Variants in IL1RAPL1 observed in about 807,000 individuals in gnomAD.
IL1RAPL1 encodes the protein interleukin 1 receptor accessory protein like 1, also known as interleukin-1 receptor accessory protein-like 1.
Under a neutral mutation model 48.4 loss-of-function variants are expected in IL1RAPL1, and 3 were observed. That is an observed-to-expected ratio of 0.06 (90% confidence interval 0.03 to 0.16). IL1RAPL1 has a LOEUF of 0.16. Ranked by LOEUF, IL1RAPL1 falls within the 10% of genes least tolerant of loss-of-function variation. The pLI is 1.00. For missense variants in IL1RAPL1, 349 were observed against 530.6 expected (o/e 0.66, Z 3.36); for synonymous variants, 185 against 187.7 (o/e 0.99, Z 0.12).
At chrX:29,140,867 A>C (rs758753670) in intron 2 of IL1RAPL1, among the ~76,000 whole-genome samples, 1 of 111,134 alleles carries the variant, frequency 9.0e-6, no homozygotes, top group South Asian at 3.8e-4. Flanking sequence ...TGACCTAATT[A>C]CCTGCTAAAC....
intron 2 of IL1RAPL1, among the ~76,000 whole-genome samples, chrX:28,951,833 T>C (rs1385609618): frequency 1.8e-5 from 2 of 111,872 alleles, no homozygotes; most frequent in Admixed American, 1.9e-4. Flanking sequence ...AATACTTTTT[T>C]AATCATGAGA....
chrX:29,404,501 C>A (rs1934030556), intron 5 of IL1RAPL1, among the ~76,000 whole-genome samples: 1 of 110,974 alleles, frequency 9.0e-6, no homozygotes, highest in African/African-American at 3.3e-5. Context: ...CTCAGTCCAC[C>A]TTCAAAAAAC....
intron 1 of IL1RAPL1, among the ~76,000 whole-genome samples, chrX:28,695,984 T>G (rs1935226033): frequency 8.9e-6 from 1 of 112,159 alleles, no homozygotes; most frequent in Non-Finnish European, 1.9e-5. Flanking sequence ...TAATATTCAA[T>G]CAGATGCTTG....
chrX:29,290,203 A>G lies in IL1RAPL1; in HGVS notation c.362+6986A>G, dbSNP rs192764369. 2.2e-4 allele frequency among the ~76,000 whole-genome samples: 25 copies of G among 112,077 alleles called. No homozygotes were observed. The East Asian group carries it at 7.1e-3, about 32-fold the overall frequency. On this transcript the variant is annotated intron_variant, in intron 3 of 10. Coordinates refer to ENST00000378993, the MANE Select transcript of IL1RAPL1 (RefSeq NM_014271.4). ...GCAGATACTATGAAAATAGTTTAGAATTCAGTGGAATTCTGCCGAGATAGA... is the reference window on the plus strand; with the variant it reads ...GCAGATACTATGAAAATAGTTTAGAGTTCAGTGGAATTCTGCCGAGATAGA...
intron 2 of IL1RAPL1, among the ~76,000 whole-genome samples, chrX:28,810,645 A>T (rs1936783832): frequency 1.0e-4 from 11 of 110,531 alleles, no homozygotes; most frequent in Admixed American, 9.7e-4. Flanking sequence ...ATGCATATGA[A>T]TTTTTTTTGT....
chrX:29,392,486 C>T (rs1933866126), intron 3 of IL1RAPL1, among the ~76,000 whole-genome samples: 2 of 112,498 alleles, frequency 1.8e-5, no homozygotes, highest in Admixed American at 9.4e-5. Context: ...AGGACTATAG[C>T]ATTCGTTGGA....
chrX:28,834,964 G>A (rs1921168345), intron 2 of IL1RAPL1, among the ~76,000 whole-genome samples: 1 of 111,367 alleles, frequency 9.0e-6, no homozygotes, highest in Admixed American at 9.6e-5. Flanking sequence ...GATAATCTAT[G>A]TAAAGATTAG....
intron 2 of IL1RAPL1, among the ~76,000 whole-genome samples, chrX:28,989,028 C>T (rs5985937): frequency 0.038 from 4,291 of 112,237 alleles, 199 homozygotes; most frequent in African/African-American, 0.13. Flanking sequence ...CAGTGAAACA[C>T]TATCTCTTCT....
At chrX:29,924,645 G>T (rs1464927756) in intron 8 of IL1RAPL1, among the ~76,000 whole-genome samples, 2 of 86,467 alleles carry the variant, frequency 2.3e-5, no homozygotes, top group African/African-American at 7.6e-5. Context: ...ATGTTCATTA[G>T]CAATCTTACT....
chrX:29,724,497 G>T (rs1383204875), intron 6 of IL1RAPL1, among the ~76,000 whole-genome samples: 1 of 112,211 alleles, frequency 8.9e-6, no homozygotes, highest in Non-Finnish European at 1.9e-5. Context: ...CCTGAGAGTA[G>T]AACTGAACCT....
chrX:28,877,325 A>G lies in IL1RAPL1; in HGVS notation c.82+87900A>G, dbSNP rs189961281. ...ACTTTAAGAATAAGGCCATCTATTT[A>G]GCAGTACAGAATCCATGCTTACAAT... On this transcript the variant is annotated intron_variant, in intron 2 of 10. Coordinates refer to ENST00000378993, the MANE Select transcript of IL1RAPL1 (RefSeq NM_014271.4). Among the ~76,000 whole-genome samples, 353 of 112,777 alleles carry G rather than the reference A, an allele frequency of 3.1e-3. 1 individual carries two copies. The highest frequency in any genetic ancestry group is 0.011 in the African/African-American group (328 of 31,105).
At chrX:28,897,381 T>C (rs1922951698) in intron 2 of IL1RAPL1, among the ~76,000 whole-genome samples, 1 of 111,833 alleles carries the variant, frequency 8.9e-6, no homozygotes, top group Non-Finnish European at 1.9e-5. Context: ...CCCGAGCCCG[T>C]GACCAGCACG....
chrX:29,546,476 A>T (rs1921630514), intron 5 of IL1RAPL1, among the ~76,000 whole-genome samples: 1 of 111,928 alleles, frequency 8.9e-6, no homozygotes, highest in African/African-American at 3.2e-5. Flanking sequence ...AATATGACAT[A>T]AAAATATACA....
chrX:29,808,243 A>G (rs1055525001), intron 6 of IL1RAPL1, among the ~76,000 whole-genome samples: 6 of 112,191 alleles, frequency 5.3e-5, no homozygotes, highest in Admixed American at 9.5e-5. Context: ...GTAGTTATCT[A>G]TGACCATTCA....
At chrX:28,955,630 T>A (rs1384475149) in intron 2 of IL1RAPL1, among the ~76,000 whole-genome samples, 5 of 107,677 alleles carry the variant, frequency 4.6e-5, no homozygotes, top group African/African-American at 1.7e-4. Context: ...TTCTGTTCCA[T>A]TGATCTAGAT....
intron 1 of IL1RAPL1, among the ~76,000 whole-genome samples, chrX:28,710,976 A>G (rs948440163): frequency 3.6e-5 from 4 of 111,878 alleles, no homozygotes; most frequent in African/African-American, 1.3e-4. Flanking sequence ...TGAAATAGTC[A>G]TTGTGGAAGT....
At chrX:29,449,780 C>CACACACACACACAGAGAGAGAG (rs557765024) in intron 5 of IL1RAPL1, among the ~76,000 whole-genome samples, 34 of 58,241 alleles carry the variant, frequency 5.8e-4, no homozygotes, top group African/African-American at 2.2e-3. Flanking sequence ...CACACACACA[C>CACACACACACACAGAGAGAGAG]AGAGAGAGAG....
intron 5 of IL1RAPL1, among the ~76,000 whole-genome samples, chrX:29,433,229 A>G (rs1934441744): frequency 9.0e-6 from 1 of 110,681 alleles, no homozygotes; most frequent in African/African-American, 3.3e-5. Context: ...AAAATCCCGT[A>G]CCACAGAGGT....
chrX:28,781,317 TA>T (rs1473133978), intron 1 of IL1RAPL1, among the ~76,000 whole-genome samples: 1 of 107,210 alleles, frequency 9.3e-6, no homozygotes, highest in Non-Finnish European at 1.9e-5. Context: ...TTTTTATTTT[TA>T]TTTTTTTTTG....
Sources: gnomAD v4.1 joint callset for allele counts (sites outside exome capture counted in the v4.1 genomes callset) on GRCh38, gnomAD v4.1.1 for gene constraint, MANE v1.5 for transcripts, NCBI Gene and HGNC (gene_info 2026-07-23, HGNC 2026-07-21) for gene names.